Variants in RBX1 observed in about 807,000 individuals in gnomAD.
RBX1 encodes the protein E3 ubiquitin-protein ligase RBX1.
For missense variants in RBX1, 46 were observed against 141.4 expected (o/e 0.33, Z 3.42); for synonymous variants, 48 against 47.9 (o/e 1.00, Z -0.01).
intron 4 of RBX1, among the ~76,000 whole-genome samples, chr22:40,970,243 T>C (rs571187893): frequency 4.0e-5 from 6 of 151,648 alleles, no homozygotes; most frequent in Admixed American, 2.6e-4. Context: ...TCCCAGCTAT[T>C]TGGGAGGCTG....
chr22:40,969,888 CAA>C (rs566980497), intron 4 of RBX1, among the ~76,000 whole-genome samples: 56 of 125,472 alleles, frequency 4.5e-4, no homozygotes, highest in Non-Finnish European at 4.3e-4. Context: ...GACCCTATCT[CAA>C]AAAAAAAAAA....
At chr22:40,967,938 G>A (rs1011079832) in intron 4 of RBX1, 54 bp downstream of exon 4, 1 of 1,268,902 alleles carries the variant, frequency 7.9e-7, no homozygotes, top group Admixed American at 1.7e-5. Context: ...CAGGCTGAAA[G>A]GAGCGTGGTC....
intron 2 of RBX1, among the ~76,000 whole-genome samples, chr22:40,958,434 A>G (rs1409917917): frequency 6.6e-6 from 1 of 152,190 alleles, no homozygotes; most frequent in Non-Finnish European, 1.5e-5. Context: ...CAACGGTTGT[A>G]TTTTAATAAA....
At chr22:40,961,062 C>G (rs2058338556) in intron 2 of RBX1, among the ~76,000 whole-genome samples, 1 of 149,958 alleles carries the variant, frequency 6.7e-6, no homozygotes. Flanking sequence ...CCACGCCCGG[C>G]CGAGCCACCG....
intron 2 of RBX1, among the ~76,000 whole-genome samples, chr22:40,954,042 C>T (rs192943926): frequency 6.6e-6 from 1 of 152,150 alleles, no homozygotes; most frequent in African/African-American, 2.4e-5. Flanking sequence ...GAGGCCAAGG[C>T]GGGCAGATCA....
At chr22:40,956,987 A>G (rs1207437451) in intron 2 of RBX1, among the ~76,000 whole-genome samples, 2 of 151,792 alleles carry the variant, frequency 1.3e-5, no homozygotes, top group African/African-American at 2.4e-5. Flanking sequence ...GTGAGCTGAG[A>G]TCGCGCCATT....
chr22:40,960,200 T>C (rs796957790), intron 2 of RBX1, among the ~76,000 whole-genome samples: 7 of 152,306 alleles, frequency 4.6e-5, no homozygotes, highest in African/African-American at 1.7e-4. Context: ...ACCAAGAGCC[T>C]AATTTGCACT....
intron 2 of RBX1, among the ~76,000 whole-genome samples, chr22:40,956,615 C>A (rs1023742018): frequency 6.6e-6 from 1 of 151,662 alleles, no homozygotes; most frequent in Non-Finnish European, 1.5e-5. Context: ...CCTCTCAAAC[C>A]GCTGGGATTA....
intron 2 of RBX1, among the ~76,000 whole-genome samples, chr22:40,963,659 G>A (rs2058346785): frequency 6.6e-6 from 1 of 151,932 alleles, no homozygotes; most frequent in African/African-American, 2.4e-5. Flanking sequence ...ACTCAGTCTA[G>A]GCAACATGGT....
chr22:40,956,432 C>T (rs570096305), intron 2 of RBX1, among the ~76,000 whole-genome samples: 6 of 143,376 alleles, frequency 4.2e-5, no homozygotes, highest in East Asian at 4.1e-4. Context: ...GAGTCTCTGT[C>T]GCTCAGGCTG....
chr22:40,970,353 A>G (rs2058365742), intron 4 of RBX1, among the ~76,000 whole-genome samples: 1 of 150,744 alleles, frequency 6.6e-6, no homozygotes, highest in Non-Finnish European at 1.5e-5. Context: ...TTCGTCTCAA[A>G]AAAAAAAAAA....
chr22:40,956,218 C>T (rs1410265727), intron 2 of RBX1, among the ~76,000 whole-genome samples: 1 of 151,938 alleles, frequency 6.6e-6, no homozygotes, highest in Non-Finnish European at 1.5e-5. Flanking sequence ...AGTGGGATAC[C>T]TGTTTTGTTT....
At chr22:40,956,448 C>T (rs985032549) in intron 2 of RBX1, among the ~76,000 whole-genome samples, 1 of 141,668 alleles carries the variant, frequency 7.1e-6, no homozygotes, top group African/African-American at 2.6e-5. Flanking sequence ...GGCTGGAGTT[C>T]AAGTGATTCT....
In RBX1 at chr22:40,966,585, A is replaced by G. The variant is rs142078247; in HGVS notation, c.229-1214A>G. 9 of 152,344 alleles carry G rather than the reference A, an allele frequency of 5.9e-5. No individual in the cohort carries two copies. The East Asian group carries it at 1.7e-3, about 29-fold the overall frequency. The allele number at this position is 152,344 out of a possible 1,614,324, so 9.4% of individuals were successfully genotyped here. A position where few individuals can be genotyped will look rare whatever the true frequency, so the allele number is the denominator to read the frequency against. ...TCCAAAAGGCTGTCACTCTAAGAGA[A>G]TATTTGTCCTCTTGGGTATCCCTAG... is the stretch of plus-strand genomic sequence containing the variant. On this transcript the variant is annotated intron_variant, in intron 3 of 4. Coordinates refer to ENST00000216225, the MANE Select transcript of RBX1 (RefSeq NM_014248.4).
intron 4 of RBX1, among the ~76,000 whole-genome samples, chr22:40,970,372 T>C (rs2058365888): frequency 6.6e-6 from 1 of 151,334 alleles, no homozygotes; most frequent in Non-Finnish European, 1.5e-5. Flanking sequence ...AAAAGGAATG[T>C]ATATTTTTGT....
At chr22:40,951,669 G>A (rs113109371) in intron 1 of RBX1, among the ~76,000 whole-genome samples, 193 bp downstream of exon 1, 2 of 152,240 alleles carry the variant, frequency 1.3e-5, no homozygotes, top group East Asian at 1.9e-4. Context: ...TGGGGGAAGT[G>A]TTGGTTTCGC....
intron 2 of RBX1, among the ~76,000 whole-genome samples, chr22:40,956,470 C>T (rs1416681023): frequency 1.3e-5 from 2 of 150,810 alleles, no homozygotes; most frequent in Non-Finnish European, 3.0e-5. Context: ...CTGCGTCAGC[C>T]TCCCAAGTAG....
intron 1 of RBX1, 99 bp from the exon 2 acceptor site, chr22:40,953,456 G>A: frequency 2.5e-6 from 2 of 797,150 alleles, no homozygotes; most frequent in Non-Finnish European, 4.4e-6. Flanking sequence ...GGTTCCCTGT[G>A]GCCAAAGAGA....
chr22:40,965,196 G>C (rs1292092125), intron 3 of RBX1, among the ~76,000 whole-genome samples: 1 of 151,796 alleles, frequency 6.6e-6, no homozygotes, highest in Admixed American at 6.6e-5. Context: ...CCAGCTACTC[G>C]GGAGGCTGAG....
Sources: gnomAD v4.1 joint callset for allele counts (sites outside exome capture counted in the v4.1 genomes callset) on GRCh38, gnomAD v4.1.1 for gene constraint, MANE v1.5 for transcripts, NCBI Gene and HGNC (gene_info 2026-07-23, HGNC 2026-07-21) for gene names.